The following POU4F1 variants were observed in gnomAD, a reference collection of about 807,000 sequenced individuals.
The protein encoded by POU4F1 is POU class 4 homeobox 1.
A neutral mutation model predicts 19.8 loss-of-function variants in POU4F1; 5 were observed. The observed-to-expected ratio is 0.25, with a 90% CI of 0.13 to 0.53. The LOEUF (loss-of-function observed/expected upper bound fraction) is 0.53, where lower values mean the gene tolerates loss of function less well. Among genes scored for constraint, POU4F1 ranks in the 20% least tolerant of loss-of-function variants. The pLI is 0.96. For synonymous variants in POU4F1, 266 were observed against 247.7 expected (o/e 1.07, Z -0.69); for missense variants, 408 against 511.6 (o/e 0.80, Z 1.95).
chr13:78,598,638 T>C lies in POU4F1; in HGVS notation c.*2777A>G, dbSNP rs946164970. ...TAATCTCAACTCTTAAGAAACTTTG[T>C]ACATTTGGCATCTGATCTAGTCCCA... On this transcript the variant is annotated 3_prime_UTR_variant, in exon 2 of 2. Transcript: ENST00000377208. 4.2e-4 allele frequency: 64 copies of C among 152,232 alleles called. 1 individual carries two copies. Among genetic ancestry groups the C allele is most frequent in the African/African-American group, 1.5e-3 (64 of 41,462 alleles). 9.4% of individuals were successfully genotyped at this position (152,232 alleles called of 1,614,324 possible).
At position 78,601,616 on chromosome 13, in the gene POU4F1, G is replaced by A. The variant is rs2137402209; in HGVS notation, c.1059C>T (p.Gly353=). 2 of 1,613,790 alleles carry A rather than the reference G, an allele frequency of 1.2e-6. No homozygotes were observed. The highest frequency in any genetic ancestry group is 2.2e-5 in the East Asian group (1 of 44,866). ...TGGAAGTCCGCTTGCGCTTCTTCTC[G>A]CCGCCGTTGAAGAGCTCAGGCTTGT... ...KMNKPELFNG[G]EKKRKRTSIA... The change falls in exon 2 of 2, where the codon GGC becomes GGT. Residue 353 remains glycine (G), a synonymous_variant. Transcript: ENST00000377208.
At position 78,603,197 on chromosome 13, in the gene POU4F1, C is replaced by A. The variant is rs377522225; in HGVS notation, c.123+7G>T. 4.0e-5 allele frequency: 61 copies of A among 1,513,832 alleles called. No individual in the cohort carries two copies. In the African/African-American group the frequency reaches 6.8e-4, roughly 17 times the overall value. The allele number at this position is 1,513,832 out of a possible 1,614,324, so 93.8% of individuals were successfully genotyped here. A position where few individuals can be genotyped will look rare whatever the true frequency, so the allele number is the denominator to read the frequency against. On this transcript the variant is annotated splice_region_variant and intron_variant, in intron 1 of 1. Coordinates refer to ENST00000377208, the MANE Select transcript of POU4F1 (RefSeq NM_006237.4). ...GCGGGCCGGGGCCGCGGGCGTGGGG[C>A]GCTTACCGGCGGCGTGGGCAGGCAG...
At chr13:78,602,883 G>A (rs1198467675) in intron 1 of POU4F1, among the ~76,000 whole-genome samples, 2 of 152,150 alleles carry the variant, frequency 1.3e-5, no homozygotes, top group African/African-American at 2.4e-5. Flanking sequence ...TCGCAGCTGG[G>A]GACCCGTGTC....
In POU4F1 at chr13:78,601,342, C is replaced by A; in HGVS notation, c.*73G>T. The A allele has an allele frequency of 2.5e-6, 4 of 1,591,064 alleles. No individual in the cohort carries two copies. In the South Asian group the frequency reaches 3.4e-5, roughly 14 times the overall value. On this transcript the variant is annotated 3_prime_UTR_variant, in exon 2 of 2. Coordinates refer to ENST00000377208, the MANE Select transcript of POU4F1 (RefSeq NM_006237.4). ...CGGACACTCCAAATCCGAGGGGAGG[C>A]AAGCAGAGGAAAGCCCCCCAAAAAT...
Position 78,603,544 on chromosome 13 carries a change from G to C in POU4F1, c.-218C>G, listed in dbSNP as rs1241917344. 3.4e-6 allele frequency: 2 copies of C among 581,946 alleles called. No individual in the cohort carries two copies. Among genetic ancestry groups the C allele is most frequent in the Middle Eastern group, 6.3e-4 (1 of 1,576 alleles). 36.0% of individuals were successfully genotyped at this position (581,946 alleles called of 1,614,324 possible). A position where few individuals can be genotyped will look rare whatever the true frequency, so the allele number is the denominator to read the frequency against. ...GCCGGCCTCGCGGTCCCGCTTCTCC[G>C]ACAGCTCTAGCCCCGCGCGCCGACG... On this transcript the variant is annotated 5_prime_UTR_variant, in exon 1 of 2. Coordinates refer to ENST00000377208, the MANE Select transcript of POU4F1 (RefSeq NM_006237.4).
At position 78,601,663 on chromosome 13, in the gene POU4F1, C is replaced by T. The variant is rs1874701131; in HGVS notation, c.1012G>A (p.Gly338Ser). 1.2e-6 allele frequency: 2 copies of T among 1,613,688 alleles called. No homozygotes were observed. The highest frequency in any genetic ancestry group is 1.7e-6 in the Non-Finnish European group (2 of 1,179,928). The change falls in exon 2 of 2, where the codon GGC becomes AGC. Residue 338 changes from glycine to serine, a missense_variant. Gly to Ser is a moderately conservative substitution (Grantham distance 56). Transcript: ENST00000377208. Reference sequence around the variant, plus strand: ...TTGTTCATTTTCTCGCGCTGGGCGCCCTCGGCCTCCTCGAGCCACGCCTGC... The same window carrying T: ...TTGTTCATTTTCTCGCGCTGGGCGCTCTCGGCCTCCTCGAGCCACGCCTGC... Reference protein sequence around the residue: ...ILQAWLEEAEGAQREKMNKPE... With the variant: ...ILQAWLEEAESAQREKMNKPE...
In POU4F1 at chr13:78,602,428, G is replaced by T; in HGVS notation, c.247C>A (p.His83Asn). 1 of 1,590,966 alleles carries T rather than the reference G, an allele frequency of 6.3e-7. No homozygotes were observed. Among genetic ancestry groups the T allele is most frequent in the East Asian group, 2.3e-5 (1 of 43,650 alleles). The change falls in exon 2 of 2, where the codon CAC becomes AAC. Residue 83 changes from histidine to asparagine, a missense_variant. His to Asn is a moderately conservative substitution (Grantham distance 68). Around this residue, in one of 4 missense-constraint regions of POU4F1, gnomAD observed 294 missense variants for 288.2 expected, o/e 1.02. Transcript: ENST00000377208. ...SHPFKPDATYHTMNSVPCTST... is the reference protein window; with the variant it reads ...SHPFKPDATYNTMNSVPCTST... ...GTGCACGGCACGCTGTTCATCGTGTGGTACGTGGCGTCCGGCTTGAAAGGA... is the reference window on the plus strand; with the variant it reads ...GTGCACGGCACGCTGTTCATCGTGTTGTACGTGGCGTCCGGCTTGAAAGGA...
rs1375547768 is a variant in POU4F1, at chr13:78,600,716, G to A, written c.*699C>T. On this transcript the variant is annotated 3_prime_UTR_variant, in exon 2 of 2. Coordinates refer to ENST00000377208, the MANE Select transcript of POU4F1 (RefSeq NM_006237.4). The stretch of plus-strand genomic sequence containing the variant: ...GGATATGGATGGGGTGGAGGTGAGA[G>A]AGGGAAAAATTAAACACGCAGACAG... 1 of 152,526 alleles carries A rather than the reference G, an allele frequency of 6.6e-6. No individual in the cohort carries two copies. Among genetic ancestry groups the A allele is most frequent in the Non-Finnish European group, 1.5e-5 (1 of 68,324 alleles). The allele number at this position is 152,526 out of a possible 1,614,324, so 9.4% of individuals were successfully genotyped here. A position where few individuals can be genotyped will look rare whatever the true frequency, so the allele number is the denominator to read the frequency against.
At position 78,601,997 on chromosome 13, in the gene POU4F1, G is replaced by A; in HGVS notation, c.678C>T (p.His226=). 3 of 924,450 alleles carry A rather than the reference G, an allele frequency of 3.2e-6. No homozygotes were observed. The highest frequency in any genetic ancestry group is 1.2e-4 in the East Asian group (1 of 8,434). The allele number at this position is 924,450 out of a possible 1,614,324, so 57.3% of individuals were successfully genotyped here. A position where few individuals can be genotyped will look rare whatever the true frequency, so the allele number is the denominator to read the frequency against. Reference sequence around the variant, plus strand: ...CCGCCGCCGCTGCCGCTGCCGCGCCGTGGTGCGCCGCCGCCGCCACCAGCC... The same window carrying A: ...CCGCCGCCGCTGCCGCTGCCGCGCCATGGTGCGCCGCCGCCGCCACCAGCC... ...HPGLVAAAAH[H]GAAAAAAAAA... is the part of the protein sequence containing the mutation. Residue 226 remains histidine (H), a synonymous_variant, in exon 2 of 2, where the codon CAC becomes CAT. Transcript: ENST00000377208.
rs1297825723 is a variant in POU4F1, at chr13:78,601,975, CCGCCGCTGCCGCTGCCGCGCCGTGGTG to C, written c.673_699del (p.His225_Ala233del). On this transcript the variant is annotated inframe_deletion, in exon 2 of 2. Coordinates refer to ENST00000377208, the MANE Select transcript of POU4F1 (RefSeq NM_006237.4). ...GCTGCCACCTGCCCGGCCGCCGCCG[CCGCCGCTGCCGCTGCCGCGCCGTGGTG>C]CGCCGCCGCCGCCACCAGCCCGGGG... 1 of 1,053,610 alleles carries C rather than the reference CCGCCGCTGCCGCTGCCGCGCCGTGGTG, an allele frequency of 9.5e-7. No homozygotes were observed. Among genetic ancestry groups the C allele is most frequent in the Non-Finnish European group, 1.1e-6 (1 of 872,388 alleles). 65.3% of individuals were successfully genotyped at this position (1,053,610 alleles called of 1,614,324 possible).
In POU4F1 at chr13:78,603,467, T is replaced by C; in HGVS notation, c.-141A>G. On this transcript the variant is annotated 5_prime_UTR_variant, in exon 1 of 2. Transcript: ENST00000377208. ...CGGCGGCCCCGCCGCGGGCTGCTGC[T>C]GCTGCTCCTGCTGCTGCCAGGCGCT... 1.6e-6 allele frequency: 2 copies of C among 1,226,304 alleles called. No homozygotes were observed. Among genetic ancestry groups the C allele is most frequent in the Non-Finnish European group, 2.1e-6 (2 of 972,258 alleles). 76.0% of individuals were successfully genotyped at this position (1,226,304 alleles called of 1,614,324 possible).
In POU4F1 at chr13:78,599,724, A is replaced by T. The variant is rs146358305; in HGVS notation, c.*1691T>A. On this transcript the variant is annotated 3_prime_UTR_variant, in exon 2 of 2. Coordinates refer to ENST00000377208, the MANE Select transcript of POU4F1 (RefSeq NM_006237.4). ...TCTTTTCTCATTTGTTCTGTTTTCAATGTTTTAGTTATGATTAAAGGATGG... is the reference window on the plus strand; with the variant it reads ...TCTTTTCTCATTTGTTCTGTTTTCATTGTTTTAGTTATGATTAAAGGATGG... 1 of 152,338 alleles carries T rather than the reference A, an allele frequency of 6.6e-6. No individual in the cohort carries two copies. Among genetic ancestry groups the T allele is most frequent in the Non-Finnish European group, 1.5e-5 (1 of 68,010 alleles). The allele number at this position is 152,338 out of a possible 1,614,324, so 9.4% of individuals were successfully genotyped here.
Position 78,602,116 on chromosome 13 carries a change from C to G in POU4F1, c.559G>C (p.Ala187Pro). ...GPGGGLLGGS[A>P]HPHPHMHSLG... is the part of the protein sequence containing the mutation. ...CTGTGCATATGCGGGTGAGGGTGCG[C>G]GGAGCCGCCCAGGAGCCCGCCGCCC... The change falls in exon 2 of 2, where the codon GCG becomes CCG. Residue 187 changes from alanine (A) to proline (P), a missense_variant. By Grantham distance (27) the Ala-to-Pro change is conservative. Coordinates refer to ENST00000377208, the MANE Select transcript of POU4F1 (RefSeq NM_006237.4). 1 of 196,014 alleles carries G rather than the reference C, an allele frequency of 5.1e-6. No individual in the cohort carries two copies. Among genetic ancestry groups the G allele is most frequent in the South Asian group, 1.5e-4 (1 of 6,556 alleles). The allele number at this position is 196,014 out of a possible 1,614,324, so 12.1% of individuals were successfully genotyped here. A position where few individuals can be genotyped will look rare whatever the true frequency, so the allele number is the denominator to read the frequency against.
rs552836837 is a variant in POU4F1, at chr13:78,599,313, G to C, written c.*2102C>G. The C allele has an allele frequency of 6.5e-6, 1 of 152,782 alleles. No individual in the cohort carries two copies. Among genetic ancestry groups the C allele is most frequent in the South Asian group, 2.1e-4 (1 of 4,826 alleles). The allele number at this position is 152,782 out of a possible 1,614,324, so 9.5% of individuals were successfully genotyped here. A position where few individuals can be genotyped will look rare whatever the true frequency, so the allele number is the denominator to read the frequency against. ...AAAACATAACCAAGGAGAAAGCTCA[G>C]CAGACATACATGGACAGGTAGATCA... On this transcript the variant is annotated 3_prime_UTR_variant, in exon 2 of 2. Coordinates refer to ENST00000377208, the MANE Select transcript of POU4F1 (RefSeq NM_006237.4).
Position 78,602,203 on chromosome 13 carries a change from C to T in POU4F1, c.472G>A (p.Gly158Ser). 1 of 446,624 alleles carries T rather than the reference C, an allele frequency of 2.2e-6. No individual in the cohort carries two copies. Among genetic ancestry groups the T allele is most frequent in the Non-Finnish European group, 2.9e-6 (1 of 346,850 alleles). The allele number at this position is 446,624 out of a possible 1,614,324, so 27.7% of individuals were successfully genotyped here. A position where few individuals can be genotyped will look rare whatever the true frequency, so the allele number is the denominator to read the frequency against. Residue 158 changes from glycine to serine, a missense_variant, in exon 2 of 2, where the codon GGC (glycine) becomes AGC (serine). By Grantham distance (56) the Gly-to-Ser change is moderately conservative (BLOSUM62 0). This residue lies in a region of POU4F1 where 294 missense variants were observed against 288.2 expected (regional missense o/e 1.02). Transcript: ENST00000377208. ...GGGGGPGGGG[G>S]PGGGPGGGGG... ...CCTCCCCCGGGGCCGCCGCCCGGGCCGCCGCCGCCGCCCGGGCCGCCACCG... is the reference window on the plus strand; with the variant it reads ...CCTCCCCCGGGGCCGCCGCCCGGGCTGCCGCCGCCGCCCGGGCCGCCACCG...
In POU4F1 at chr13:78,602,415, C is replaced by T; in HGVS notation, c.260G>A (p.Ser87Asn). 6.3e-7 allele frequency: 1 copy of T among 1,579,284 alleles called. No homozygotes were observed. Among genetic ancestry groups the T allele is most frequent in the Non-Finnish European group, 8.6e-7 (1 of 1,164,394 alleles). ...KPDATYHTMNSVPCTSTSTVP... is the reference protein window; with the variant it reads ...KPDATYHTMNNVPCTSTSTVP... ...CGTGGAAGTGGACGTGCACGGCACG[C>T]TGTTCATCGTGTGGTACGTGGCGTC... is the stretch of plus-strand genomic sequence containing the variant. The change falls in exon 2 of 2, where the codon AGC (serine) becomes AAC (asparagine). Residue 87 changes from serine to asparagine, a missense_variant. Ser to Asn is a conservative substitution (Grantham distance 46). Coordinates refer to ENST00000377208, the MANE Select transcript of POU4F1 (RefSeq NM_006237.4).
Position 78,602,436 on chromosome 13 carries a change from G to A in POU4F1, c.239C>T (p.Ala80Val), listed in dbSNP as rs760987880. The A allele has an allele frequency of 1.3e-6, 2 of 1,595,948 alleles. No individual in the cohort carries two copies. The highest frequency in any genetic ancestry group is 2.3e-5 in the South Asian group (2 of 87,802). ...CACGCTGTTCATCGTGTGGTACGTG[G>A]CGTCCGGCTTGAAAGGATGGCTCTT... is the stretch of plus-strand genomic sequence containing the variant. The part of the protein sequence containing the change: ...QGKSHPFKPD[A>V]TYHTMNSVPC... The change falls in exon 2 of 2, where the codon GCC (alanine) becomes GTC (valine). Residue 80 changes from alanine to valine, a missense_variant. Coordinates refer to ENST00000377208, the MANE Select transcript of POU4F1 (RefSeq NM_006237.4).
intron 1 of POU4F1, 99 bp from the exon 2 acceptor site, chr13:78,602,650 C>G: frequency 1.6e-6 from 2 of 1,271,084 alleles, no homozygotes; most frequent in Non-Finnish European, 2.0e-6. Context: ...GCACAGCATG[C>G]GAAGGGCAAA....
intron 1 of POU4F1, 64 bp downstream of exon 1, chr13:78,603,140 G>A (rs1874781044): frequency 1.6e-6 from 2 of 1,239,812 alleles, no homozygotes; most frequent in African/African-American, 3.2e-5. Context: ...CCCCCGACAT[G>A]CAGCGTTTCG....
Sources: allele counts gnomAD v4.1 joint callset (sites outside exome capture counted in the v4.1 genomes callset), GRCh38; gene constraint gnomAD v4.1.1; regional missense constraint gnomAD v4.1.1; transcripts MANE v1.5; gene names NCBI Gene and HGNC (gene_info 2026-07-23, HGNC 2026-07-21).